GRIK4: variants seen among roughly 807,000 people sequenced by gnomAD.
GRIK4 encodes glutamate ionotropic receptor kainate type subunit 4, also known as glutamate receptor ionotropic, kainate 4.
GRIK4 carries 40 observed loss-of-function variants against 104.9 expected under a neutral mutation model. The ratio of observed to expected loss-of-function variants is 0.38; its 90% CI spans 0.30 to 0.50. GRIK4 has a LOEUF of 0.50. GRIK4 is among the 20% of genes least tolerant of loss of function. The pLI, the probability that GRIK4 is intolerant of heterozygous loss-of-function variation, is 0.93. For synonymous variants in GRIK4, 485 were observed against 524.9 expected, an observed-to-expected ratio of 0.92 and a Z score of 1.04; for missense variants, 1,047 against 1,308.1, an observed-to-expected ratio of 0.80 and a Z score of 3.08.
At chr11:120,766,348 G>A (rs140257138) in intron 3 of GRIK4, among the ~76,000 whole-genome samples, 5 of 152,220 alleles carry the variant, frequency 3.3e-5, no homozygotes, top group Non-Finnish European at 7.3e-5. Context: ...TGCTGTGCTG[G>A]CAGCGGGAAT....
chr11:120,710,997 T>TCGGA (rs1555046760), intron 3 of GRIK4, among the ~76,000 whole-genome samples: 4 of 124,864 alleles, frequency 3.2e-5, no homozygotes, highest in Admixed American at 7.3e-5. Context: ...CCCTGTGAGG[T>TCGGA]GGGGAGGGGG....
intron 2 of GRIK4, among the ~76,000 whole-genome samples, chr11:120,656,519 A>C: frequency 6.6e-6 from 1 of 152,248 alleles, no homozygotes; most frequent in East Asian, 1.9e-4. Flanking sequence ...AGGGGGTCAC[A>C]GAGCTGAGGC....
intron 7 of GRIK4, among the ~76,000 whole-genome samples, chr11:120,835,191 C>A (rs954436671): frequency 1.3e-5 from 2 of 152,190 alleles, no homozygotes; most frequent in African/African-American, 4.8e-5. Flanking sequence ...GATAGAGTTA[C>A]CCCCGACCTG....
At chr11:120,816,874 G>A (rs965655208) in intron 5 of GRIK4, among the ~76,000 whole-genome samples, 44 of 152,052 alleles carry the variant, frequency 2.9e-4, no homozygotes, top group African/African-American at 9.9e-4. Flanking sequence ...TCCTCCTCCC[G>A]GTCACATATC....
At chr11:120,671,964 G>A (rs114445078) in intron 3 of GRIK4, among the ~76,000 whole-genome samples, 3 of 152,128 alleles carry the variant, frequency 2.0e-5, no homozygotes, top group South Asian at 2.1e-4. Context: ...TGAGGTCTCC[G>A]TTCTGTTCTA....
intron 1 of GRIK4, among the ~76,000 whole-genome samples, chr11:120,520,402 G>T (rs1417977103): frequency 6.6e-6 from 1 of 152,230 alleles, no homozygotes; most frequent in Non-Finnish European, 1.5e-5. Flanking sequence ...GTCACTGGCA[G>T]TATTGGGGAA....
chr11:120,828,764 C>G (rs1953340696), intron 6 of GRIK4, among the ~76,000 whole-genome samples: 2 of 152,186 alleles, frequency 1.3e-5, no homozygotes, highest in African/African-American at 4.8e-5. Flanking sequence ...CCCCGCGTCT[C>G]AGCACACAGA....
chr11:120,923,533 C>T (rs1367455582), intron 13 of GRIK4, among the ~76,000 whole-genome samples: 1 of 151,526 alleles, frequency 6.6e-6, no homozygotes, highest in Non-Finnish European at 1.5e-5. Context: ...CTGCCTCAGC[C>T]TCCTGAGTAG....
At chr11:120,802,083 A>G (rs888799067) in intron 3 of GRIK4, among the ~76,000 whole-genome samples, 1 of 152,212 alleles carries the variant, frequency 6.6e-6, no homozygotes, top group Non-Finnish European at 1.5e-5. Flanking sequence ...GTGAATCCTC[A>G]CACCAACCCT....
intron 1 of GRIK4, among the ~76,000 whole-genome samples, chr11:120,640,820 T>G (rs1281550646): frequency 6.6e-6 from 1 of 152,112 alleles, no homozygotes; most frequent in Non-Finnish European, 1.5e-5. Context: ...GCAGTTCCCC[T>G]GCCTCAGCCT....
chr11:120,820,082 CGTGTGTGT>C (rs35140379), intron 6 of GRIK4, among the ~76,000 whole-genome samples, 162 bp downstream of exon 6: 21 of 144,822 alleles, frequency 1.5e-4, no homozygotes, highest in African/African-American at 2.8e-4. Context: ...CTCATGTGTC[CGTGTGTGT>C]GTGTGTGTGT....
chr11:120,920,312 C>A lies in GRIK4; in HGVS notation c.1476+14819C>A, dbSNP rs529394612. On this transcript the variant is annotated intron_variant, in intron 13 of 20. Coordinates refer to ENST00000527524, the MANE Select transcript of GRIK4 (RefSeq NM_014619.5). ...TCGCTCTCTCCTCTCCTTCCCTCCC[C>A]ACGTAGGGCTGTATTTTCACCTCCT... 3.3e-5 allele frequency among the ~76,000 whole-genome samples: 5 copies of A among 152,288 alleles called. No homozygotes were observed. In the South Asian group the frequency reaches 1.0e-3, roughly 32 times the overall value.
intron 1 of GRIK4, among the ~76,000 whole-genome samples, chr11:120,592,375 AC>A (rs1948745412): frequency 6.6e-6 from 1 of 152,072 alleles, no homozygotes; most frequent in Non-Finnish European, 1.5e-5. Context: ...ATGGCCTGGC[AC>A]CCCCTACGTG....
At chr11:120,629,168 G>C (rs1187803883) in intron 1 of GRIK4, among the ~76,000 whole-genome samples, 1 of 152,286 alleles carries the variant, frequency 6.6e-6, no homozygotes, top group Non-Finnish European at 1.5e-5. Flanking sequence ...TGGAGAGGTG[G>C]GGAAGGTGGA....
intron 3 of GRIK4, among the ~76,000 whole-genome samples, chr11:120,666,755 C>G (rs944684990): frequency 6.6e-6 from 1 of 152,114 alleles, no homozygotes; most frequent in Non-Finnish European, 1.5e-5. Flanking sequence ...TCAGTTGGAT[C>G]GAGCAGCGTG....
intron 1 of GRIK4, among the ~76,000 whole-genome samples, chr11:120,587,544 T>C (rs1246993823): frequency 6.6e-6 from 1 of 152,208 alleles, no homozygotes; most frequent in Non-Finnish European, 1.5e-5. Flanking sequence ...ACATATGTAG[T>C]TATTATTATC....
In GRIK4 at chr11:120,740,253, T is replaced by G. The variant is rs1951303502; in HGVS notation, c.83-62440T>G. ...GTTATACCTGAGCATAGCATGGGGT[T>G]GTAGTTAGGCTGCTGGGAAAGTCAT... On this transcript the variant is annotated intron_variant, in intron 3 of 20. Transcript: ENST00000527524. Among the ~76,000 whole-genome samples, 3 of 152,164 alleles carry G rather than the reference T, an allele frequency of 2.0e-5. No individual in the cohort carries two copies. The South Asian group carries it at 6.2e-4, about 32-fold the overall frequency.
rs781001904 is a variant in GRIK4 at position 120,819,874 on chromosome 11, C to T, written c.465C>T (p.Asn155=). The T allele has an allele frequency of 1.9e-6, 3 of 1,614,044 alleles. No individual in the cohort carries two copies. The highest frequency in any genetic ancestry group is 2.7e-5 in the African/African-American group (2 of 74,918). ...DISVAVAGIL[N]FFNCTTACLI... is the part of the protein sequence containing the mutation. The stretch of plus-strand genomic sequence containing the variant: ...GCGTGGCTGTAGCTGGGATCCTGAA[C>T]TTCTTCAACTGCACCACCGCCTGCC... The change falls in exon 6 of 21, where the codon AAC becomes AAT. Residue 155 remains asparagine (N), a synonymous_variant. Coordinates refer to ENST00000527524, the MANE Select transcript of GRIK4 (RefSeq NM_014619.5). This position sits in a 1 kb window ranked among gnomAD's most constrained non-coding sequence, Gnocchi z 4.3.
chr11:120,662,783 T>C (rs1949839502), intron 3 of GRIK4, among the ~76,000 whole-genome samples: 1 of 152,184 alleles, frequency 6.6e-6, no homozygotes, highest in African/African-American at 2.4e-5. Flanking sequence ...GCTCTCTGAA[T>C]GGGGCTGCAT....
Sources: allele counts gnomAD v4.1 joint callset (sites outside exome capture counted in the v4.1 genomes callset), GRCh38; gene constraint gnomAD v4.1.1; non-coding constraint Gnocchi (gnomAD v3.1); transcripts MANE v1.5; gene names NCBI Gene and HGNC (gene_info 2026-07-23, HGNC 2026-07-21).